Variants in GRIK2 observed in about 807,000 individuals in gnomAD.
GRIK2 encodes the protein glutamate receptor ionotropic, kainate 2.
GRIK2 carries 32 observed loss-of-function variants against 100.3 expected under a neutral mutation model. That is an observed-to-expected ratio of 0.32 (90% CI 0.24 to 0.43). The LOEUF (loss-of-function observed/expected upper bound fraction) is 0.43. Among genes scored for constraint, GRIK2 ranks in the 20% least tolerant of loss-of-function variants. The pLI is 1.00. For synonymous variants in GRIK2, 417 were observed against 389.4 expected (o/e 1.07, Z -0.83); for missense variants, 843 against 1,114.9 (o/e 0.76, Z 3.47).
chr6:101,817,619 C>T lies in GRIK2; in HGVS notation c.1204-751C>T, dbSNP rs182425555. On this transcript the variant is annotated intron_variant, in intron 9 of 16. Transcript: ENST00000369134. Reference sequence around the variant, plus strand: ...TGCATTTTGTGACATCCTGTGCTTACGTGTTTCTTCTGGAGGCTTATCTGC... The same window carrying T: ...TGCATTTTGTGACATCCTGTGCTTATGTGTTTCTTCTGGAGGCTTATCTGC... 7.2e-4 allele frequency among the ~76,000 whole-genome samples: 109 copies of T among 152,250 alleles called. 1 individual carries two copies. Among genetic ancestry groups the T allele is most frequent in the East Asian group, 2.5e-3 (13 of 5,180 alleles).
intron 2 of GRIK2, among the ~76,000 whole-genome samples, chr6:101,585,325 G>A (rs1397150384): frequency 6.6e-6 from 1 of 152,028 alleles, no homozygotes; most frequent in Non-Finnish European, 1.5e-5. Flanking sequence ...ATGTGAGTAT[G>A]AGTATGTGTA....
chr6:101,620,257 A>G (rs1046734621), intron 2 of GRIK2: 5 of 829,408 alleles, frequency 6.0e-6, no homozygotes, highest in Non-Finnish European at 5.8e-6. Context: ...ACACAGAAGG[A>G]ATCTAGGTTA....
intron 2 of GRIK2, among the ~76,000 whole-genome samples, chr6:101,411,786 T>C (rs1293725186): frequency 6.6e-6 from 1 of 152,092 alleles, no homozygotes; most frequent in African/African-American, 2.4e-5. Context: ...TCATTTAGAA[T>C]ATTTATATCC....
intron 14 of GRIK2, among the ~76,000 whole-genome samples, chr6:101,932,208 C>T (rs183223458): frequency 4.1e-4 from 63 of 152,084 alleles, no homozygotes; most frequent in African/African-American, 1.5e-3. Flanking sequence ...TTTGGCCTAC[C>T]TGAAATCTCT....
intron 10 of GRIK2, among the ~76,000 whole-genome samples, chr6:101,843,354 C>T (rs1319773040): frequency 2.0e-5 from 3 of 152,152 alleles, no homozygotes; most frequent in Non-Finnish European, 4.4e-5. Context: ...TCTTGCTCCA[C>T]ACTTTTCTTC....
intron 14 of GRIK2, among the ~76,000 whole-genome samples, chr6:101,990,113 A>G (rs1794276246): frequency 6.6e-6 from 1 of 151,526 alleles, no homozygotes; most frequent in Non-Finnish European, 1.5e-5. Context: ...GGCCCCTAAC[A>G]TTTGCATTCC....
chr6:101,744,539 T>TATATATATACACAC lies in GRIK2; in HGVS notation c.952-55100_952-55099insCACACATATATATA, dbSNP rs1554257089. 45 of 123,056 alleles carry TATATATATACACAC rather than the reference T, an allele frequency of 3.7e-4. 3 individuals carry two copies. The highest frequency in any genetic ancestry group is 1.5e-3 in the African/African-American group (44 of 29,464). The allele number at this position is 123,056 out of a possible 1,614,324, so 7.6% of individuals were successfully genotyped here. ...GCGTGCGCGCATATATATATATATA[T>TATATATATACACAC]ATATATATATATATATATATCACAA... On this transcript the variant is annotated intron_variant, in intron 7 of 16. Coordinates refer to ENST00000369134, the MANE Select transcript of GRIK2 (RefSeq NM_021956.5).
At chr6:101,406,216 A>C (rs1186070125) in intron 2 of GRIK2, among the ~76,000 whole-genome samples, 1 of 151,958 alleles carries the variant, frequency 6.6e-6, no homozygotes, top group Non-Finnish European at 1.5e-5. Flanking sequence ...ACTTTTCTGC[A>C]GGATTTTTTT....
At chr6:101,617,626 C>T (rs1262638348) in intron 2 of GRIK2, among the ~76,000 whole-genome samples, 1 of 151,694 alleles carries the variant, frequency 6.6e-6, no homozygotes, top group Non-Finnish European at 1.5e-5. Context: ...TCATTTTAGC[C>T]ATGCTGGTGT....
chr6:101,896,997 AACACACACACAC>A (rs10588904), intron 12 of GRIK2, among the ~76,000 whole-genome samples: 11 of 147,816 alleles, frequency 7.4e-5, no homozygotes, highest in Middle Eastern at 3.4e-3. Context: ...CATTGTATTT[AACACACACACAC>A]ACACACACAC....
intron 7 of GRIK2, among the ~76,000 whole-genome samples, chr6:101,722,254 G>C (rs1193813233): frequency 6.6e-6 from 1 of 151,868 alleles, no homozygotes; most frequent in African/African-American, 2.4e-5. Flanking sequence ...CCAGGAGTAG[G>C]CTAGAACTGA....
chr6:101,516,388 G>A (rs914898632), intron 2 of GRIK2, among the ~76,000 whole-genome samples: 9 of 151,948 alleles, frequency 5.9e-5, no homozygotes, highest in African/African-American at 2.2e-4. Context: ...ATAAAAATGG[G>A]CACATAGACC....
chr6:101,515,370 T>C (rs1754344842), intron 2 of GRIK2, among the ~76,000 whole-genome samples: 1 of 152,168 alleles, frequency 6.6e-6, no homozygotes, highest in African/African-American at 2.4e-5. Context: ...TGTGCTGCTA[T>C]AAACATGTAT....
chr6:101,540,063 C>A (rs1338179137), intron 2 of GRIK2, among the ~76,000 whole-genome samples: 1 of 151,490 alleles, frequency 6.6e-6, no homozygotes, highest in African/African-American at 2.4e-5. Flanking sequence ...AAGGTCAGCA[C>A]TTCTTGGCAT....
chr6:101,932,739 T>TA lies in GRIK2; in HGVS notation c.2085+4108dup, dbSNP rs573183370. 5.8e-3 allele frequency among the ~76,000 whole-genome samples: 886 copies of TA among 152,086 alleles called. 9 individuals are homozygous for TA. The highest frequency in any genetic ancestry group is 0.02 in the African/African-American group (850 of 41,546). On this transcript the variant is annotated intron_variant, in intron 14 of 16. Coordinates refer to ENST00000369134, the MANE Select transcript of GRIK2 (RefSeq NM_021956.5). Reference sequence around the variant, plus strand: ...TATCTCTAGTTCTTGGCACTGAACTTACATGTCTTGAGCTTGTGTTAATTA... The same window carrying TA: ...TATCTCTAGTTCTTGGCACTGAACTTAACATGTCTTGAGCTTGTGTTAATTA...
At chr6:101,425,154 G>A (rs1036584017) in intron 2 of GRIK2, among the ~76,000 whole-genome samples, 1 of 152,186 alleles carries the variant, frequency 6.6e-6, no homozygotes, top group African/African-American at 2.4e-5. Context: ...ATAGCAGCAT[G>A]TTTTATAATC....
At chr6:102,007,935 CATT>C (rs990380690) in intron 14 of GRIK2, among the ~76,000 whole-genome samples, 5 of 151,954 alleles carry the variant, frequency 3.3e-5, no homozygotes, top group African/African-American at 9.7e-5. Flanking sequence ...TCCATTAACA[CATT>C]ATTATTCTAG....
At chr6:101,745,711 C>T (rs1347445695) in intron 7 of GRIK2, among the ~76,000 whole-genome samples, 1 of 152,116 alleles carries the variant, frequency 6.6e-6, no homozygotes, top group Non-Finnish European at 1.5e-5. Context: ...AACACCTTAG[C>T]TCTTCAGGGT....
intron 10 of GRIK2, among the ~76,000 whole-genome samples, chr6:101,829,549 C>T (rs566716365): frequency 6.6e-6 from 1 of 151,680 alleles, no homozygotes; most frequent in Non-Finnish European, 1.5e-5. Context: ...AGCAAAGTCT[C>T]AGAATACAAA....
Sources: gnomAD v4.1 joint callset for allele counts (sites outside exome capture counted in the v4.1 genomes callset) on GRCh38, gnomAD v4.1.1 for gene constraint, MANE v1.5 for transcripts, NCBI Gene and HGNC (gene_info 2026-07-23, HGNC 2026-07-21) for gene names.